SETBP1: variants seen among roughly 807,000 people sequenced by gnomAD.
SETBP1 encodes SET-binding protein.
In SETBP1, 9 loss-of-function variants were observed where a neutral mutation model predicts 101.0. The observed-to-expected ratio is 0.09, with a 90% CI of 0.05 to 0.16. The LOEUF is 0.16. SETBP1 is among the 10% of genes least tolerant of loss of function. SETBP1 has a pLI of 1.00. For missense variants in SETBP1, 1,858 were observed against 2,033.8 expected (o/e 0.91, Z 1.66); for synonymous variants, 818 against 788.5 (o/e 1.04, Z -0.63).
At position 45,027,725 on chromosome 18, in the gene SETBP1, G is replaced by A. The variant is rs576399266; in HGVS notation, c.4001-10760G>A. 3.9e-5 allele frequency among the ~76,000 whole-genome samples: 6 copies of A among 152,276 alleles called. No individual in the cohort carries two copies. The East Asian group carries it at 5.8e-4, about 15-fold the overall frequency. On this transcript the variant is annotated intron_variant, in intron 4 of 5. Transcript: ENST00000649279. ...CCAAAGGAAGTGTTCTTACACGTGCGTTAGTTTTCTCTTGCTGCCATAACA... is the reference window on the plus strand; with the variant it reads ...CCAAAGGAAGTGTTCTTACACGTGCATTAGTTTTCTCTTGCTGCCATAACA...
At chr18:44,869,720 T>C in intron 3 of SETBP1, 1 of 287,300 alleles carries the variant, frequency 3.5e-6, no homozygotes, top group Non-Finnish European at 6.8e-6. Flanking sequence ...AATCTCAGAC[T>C]CCTGCAGAGG....
chr18:44,867,640 T>A (rs992086302), intron 2 of SETBP1, among the ~76,000 whole-genome samples: 3 of 151,646 alleles, frequency 2.0e-5, no homozygotes, highest in Non-Finnish European at 4.4e-5. Flanking sequence ...TGTTTAATTA[T>A]CATCAGAGGG....
At chr18:44,872,362 G>A (rs1036171947) in intron 3 of SETBP1, among the ~76,000 whole-genome samples, 6 of 151,902 alleles carry the variant, frequency 3.9e-5, no homozygotes, top group Admixed American at 1.3e-4. Context: ...ATAGTCTTCC[G>A]ATCTTTGTTC....
intron 3 of SETBP1, among the ~76,000 whole-genome samples, chr18:44,904,966 A>G (rs576367883): frequency 9.2e-5 from 14 of 152,330 alleles, no homozygotes; most frequent in African/African-American, 3.1e-4. Context: ...AATGTAATCT[A>G]GTGGTATACT....
chr18:44,950,752 T>A lies in SETBP1; in HGVS notation c.1412T>A (p.Ile471Lys). 1 of 1,614,110 alleles carries A rather than the reference T, an allele frequency of 6.2e-7. No homozygotes were observed. Among genetic ancestry groups the A allele is most frequent in the Non-Finnish European group, 8.5e-7 (1 of 1,180,014 alleles). Residue 471 changes from isoleucine to lysine, a missense_variant, in exon 4 of 6, where the codon ATA becomes AAA. Ile to Lys is a moderately radical substitution (Grantham distance 102). Transcript: ENST00000649279. ...DPRVPKLSKM[I>K]ENESPSVGLE... Reference sequence around the variant, plus strand: ...CGTGTCCCTAAGTTGAGTAAAATGATAGAGAATGAGTCCCCCTCAGTTGGC... The same window carrying A: ...CGTGTCCCTAAGTTGAGTAAAATGAAAGAGAATGAGTCCCCCTCAGTTGGC...
At chr18:44,748,418 G>A (rs1181051662) in intron 2 of SETBP1, among the ~76,000 whole-genome samples, 4 of 152,246 alleles carry the variant, frequency 2.6e-5, no homozygotes, top group South Asian at 2.1e-4. Flanking sequence ...AGAGGAGGAA[G>A]AGGAGAGCAC....
chr18:44,898,404 C>T (rs647701), intron 3 of SETBP1, among the ~76,000 whole-genome samples: 131,659 of 152,214 alleles, frequency 0.86, 57,120 homozygotes, highest in African/African-American at 0.92. Context: ...GATGGATAGA[C>T]AAATTTTCTG....
intron 2 of SETBP1, among the ~76,000 whole-genome samples, chr18:44,847,133 G>A (rs1273745085): frequency 1.3e-5 from 2 of 152,216 alleles, no homozygotes; most frequent in Non-Finnish European, 2.9e-5. Flanking sequence ...CTGTGGGAAG[G>A]AAGGTTAAGA....
At chr18:45,049,605 T>C (rs2073687879) in intron 5 of SETBP1, among the ~76,000 whole-genome samples, 1 of 152,182 alleles carries the variant, frequency 6.6e-6, no homozygotes, top group Non-Finnish European at 1.5e-5. Context: ...AAATGTGCCA[T>C]AGTCTCTTGT....
At chr18:44,762,822 GAACTC>G (rs1355999974) in intron 2 of SETBP1, among the ~76,000 whole-genome samples, 1 of 152,194 alleles carries the variant, frequency 6.6e-6, no homozygotes, top group Non-Finnish European at 1.5e-5. Flanking sequence ...GTCCTGAACT[GAACTC>G]AACTATTGAC....
chr18:44,796,324 T>G (rs1268658676), intron 2 of SETBP1, among the ~76,000 whole-genome samples: 1 of 152,210 alleles, frequency 6.6e-6, no homozygotes, highest in African/African-American at 2.4e-5. Context: ...AAGTAAAGTT[T>G]TAGAGCTAGA....
chr18:44,851,437 G>C (rs1032347966), intron 2 of SETBP1, among the ~76,000 whole-genome samples: 2 of 152,182 alleles, frequency 1.3e-5, no homozygotes, highest in Non-Finnish European at 2.9e-5. Flanking sequence ...GTTACCAGAA[G>C]TGGTGGTCAA....
chr18:44,682,685 C>G (rs1276671217), intron 1 of SETBP1, among the ~76,000 whole-genome samples: 1 of 152,124 alleles, frequency 6.6e-6, no homozygotes, highest in East Asian at 1.9e-4. Context: ...AGGAAGAAAT[C>G]AAGTGTGGTT....
intron 4 of SETBP1, among the ~76,000 whole-genome samples, chr18:45,012,127 A>G (rs1414355928): frequency 1.3e-5 from 2 of 152,184 alleles, no homozygotes; most frequent in Non-Finnish European, 2.9e-5. Context: ...TTTGAATCAT[A>G]TATGGTAAGA....
At chr18:44,682,613 C>G (rs749566133) in intron 1 of SETBP1, among the ~76,000 whole-genome samples, 38 of 152,164 alleles carry the variant, frequency 2.5e-4, no homozygotes, top group Admixed American at 1.2e-3. Context: ...TGTGCTTAGT[C>G]TCATTGCCTG....
At chr18:45,038,342 G>C in intron 4 of SETBP1, 143 bp from the exon 5 acceptor site, 1 of 825,986 alleles carries the variant, frequency 1.2e-6, no homozygotes. Flanking sequence ...TTCTCTTTTA[G>C]CATTTTTAAA....
At chr18:44,770,909 G>A (rs1414683778) in intron 2 of SETBP1, among the ~76,000 whole-genome samples, 1 of 152,062 alleles carries the variant, frequency 6.6e-6, no homozygotes. Context: ...TCACCGGAAG[G>A]CAATATAGAG....
rs554544967 is a variant in SETBP1, at chr18:44,730,510, A to G, written c.486+28678A>G. 2.6e-5 allele frequency among the ~76,000 whole-genome samples: 4 copies of G among 152,310 alleles called. No homozygotes were observed. In the South Asian group the frequency reaches 8.3e-4, roughly 32 times the overall value. On this transcript the variant is annotated intron_variant, in intron 2 of 5. Transcript: ENST00000649279. ...AACCTCGCTCTTTTCTTGACCCTGG[A>G]CTTTTTCCAGCCTCTTTTTTCAGGA... is the stretch of plus-strand genomic sequence containing the variant.
intron 5 of SETBP1, among the ~76,000 whole-genome samples, chr18:45,055,435 C>G (rs1263948404): frequency 1.3e-5 from 2 of 151,932 alleles, no homozygotes; most frequent in Non-Finnish European, 2.9e-5. Flanking sequence ...TTCATTTTAC[C>G]TATTATTAAT....
Sources: allele counts gnomAD v4.1 joint callset (sites outside exome capture counted in the v4.1 genomes callset), GRCh38; gene constraint gnomAD v4.1.1; transcripts MANE v1.5; gene names NCBI Gene and HGNC (gene_info 2026-07-23, HGNC 2026-07-21).